PARD3B: variants seen among roughly 807,000 people sequenced by gnomAD.
PARD3B encodes partitioning defective 3 homolog B.
A neutral mutation model predicts 130.2 loss-of-function variants in PARD3B; 103 were observed. The observed-to-expected ratio is 0.79, with a 90% CI of 0.67 to 0.93. PARD3B has a LOEUF of 0.93. Ranked by LOEUF, PARD3B falls within the 40% of genes least tolerant of loss-of-function variation. PARD3B has a pLI of 0.00. For synonymous variants in PARD3B, 583 were observed against 553.2 expected (o/e 1.05, Z -0.76); for missense variants, 1,609 against 1,499.2 (o/e 1.07, Z -1.21).
chr2:205,040,845 T>C (rs1698347156), intron 3 of PARD3B, among the ~76,000 whole-genome samples: 1 of 152,092 alleles, frequency 6.6e-6, no homozygotes, highest in Non-Finnish European at 1.5e-5. Flanking sequence ...GTCCAACTGT[T>C]TTGGTAGCAC....
chr2:205,054,436 ATTTT>A lies in PARD3B; in HGVS notation c.504+6764_504+6767del, dbSNP rs769918623. Among the ~76,000 whole-genome samples, 200 of 28,378 alleles carry A rather than the reference ATTTT, an allele frequency of 7.0e-3. 4 individuals carry two copies. Among genetic ancestry groups the A allele is most frequent in the East Asian group, 0.015 (7 of 480 alleles). The allele number at this position is 28,378 out of a possible 152,430, so 18.6% of individuals were successfully genotyped here. ...TATATATATATATATATATATATATATTTTTTTTTTTTTTTTTTTTTAATTATAC... is the reference window on the plus strand; with the variant it reads ...TATATATATATATATATATATATATATTTTTTTTTTTTTTTTTAATTATAC... On this transcript the variant is annotated intron_variant, in intron 4 of 22. Coordinates refer to ENST00000406610, the MANE Select transcript of PARD3B (RefSeq NM_001302769.2).
chr2:204,734,616 A>G (rs1360437265), intron 2 of PARD3B, among the ~76,000 whole-genome samples: 1 of 152,190 alleles, frequency 6.6e-6, no homozygotes, highest in Non-Finnish European at 1.5e-5. Flanking sequence ...ATGAGTCTCA[A>G]AAGTGTTTCA....
chr2:204,873,038 TTAGG>T (rs1439523505), intron 2 of PARD3B, among the ~76,000 whole-genome samples: 2 of 152,156 alleles, frequency 1.3e-5, no homozygotes, highest in African/African-American at 4.8e-5. Context: ...AATCTAGCTA[TTAGG>T]TAAGTAAAAA....
At chr2:205,006,306 A>G (rs1695261405) in intron 3 of PARD3B, among the ~76,000 whole-genome samples, 1 of 152,040 alleles carries the variant, frequency 6.6e-6, no homozygotes, top group Admixed American at 6.6e-5. Flanking sequence ...GTAATGATTT[A>G]TTTTCCTTTG....
At chr2:204,686,386 G>C in intron 2 of PARD3B, 104 bp downstream of exon 2, 1 of 855,936 alleles carries the variant, frequency 1.2e-6, no homozygotes, top group South Asian at 1.5e-5. Flanking sequence ...ATTATTAAAA[G>C]ATACCATCTG....
chr2:204,925,474 A>G (rs1337210943), intron 2 of PARD3B, among the ~76,000 whole-genome samples: 1 of 152,084 alleles, frequency 6.6e-6, no homozygotes, highest in Non-Finnish European at 1.5e-5. Context: ...ACGAAAACTG[A>G]CTACCCTAAA....
intron 18 of PARD3B, among the ~76,000 whole-genome samples, chr2:205,335,100 A>G (rs2043263174): frequency 6.6e-6 from 1 of 152,180 alleles, no homozygotes; most frequent in Non-Finnish European, 1.5e-5. Flanking sequence ...CATCCTTTCC[A>G]AAGCACCAAC....
chr2:205,613,742 A>G (rs2055320593), intron 22 of PARD3B, among the ~76,000 whole-genome samples: 1 of 152,232 alleles, frequency 6.6e-6, no homozygotes, highest in African/African-American at 2.4e-5. Flanking sequence ...AAAAAAGTAG[A>G]GAGAATTCTA....
intron 2 of PARD3B, among the ~76,000 whole-genome samples, chr2:204,915,774 C>T (rs1390431742): frequency 6.6e-6 from 1 of 152,182 alleles, no homozygotes; most frequent in Non-Finnish European, 1.5e-5. Context: ...TCGAGGCACC[C>T]TGTTCACTAG....
intron 11 of PARD3B, among the ~76,000 whole-genome samples, chr2:205,170,268 G>A (rs2035080274): frequency 6.6e-6 from 1 of 151,988 alleles, no homozygotes; most frequent in African/African-American, 2.4e-5. Flanking sequence ...GCTTTTTTGT[G>A]CCTCACTCAA....
chr2:205,221,997 A>AT (rs1339720467), intron 15 of PARD3B, among the ~76,000 whole-genome samples: 1 of 152,088 alleles, frequency 6.6e-6, no homozygotes, highest in Non-Finnish European at 1.5e-5. Context: ...AAAATAACTA[A>AT]TGGGTACTAG....
intron 18 of PARD3B, among the ~76,000 whole-genome samples, 187 bp from the exon 19 acceptor site, chr2:205,400,826 G>T (rs1458613295): frequency 6.6e-6 from 1 of 151,970 alleles, no homozygotes; most frequent in African/African-American, 2.4e-5. Flanking sequence ...AGAGAAAAGG[G>T]GGAATTTCAT....
chr2:205,097,749 C>G (rs2125555998), intron 4 of PARD3B, among the ~76,000 whole-genome samples: 1 of 152,226 alleles, frequency 6.6e-6, no homozygotes, highest in East Asian at 1.9e-4. Context: ...CACAGTTCTT[C>G]TTAAGCAGCT....
intron 2 of PARD3B, among the ~76,000 whole-genome samples, chr2:204,910,029 G>T (rs567797036): frequency 1.3e-5 from 2 of 152,260 alleles, no homozygotes; most frequent in Admixed American, 6.5e-5. Flanking sequence ...ATGATTAGAT[G>T]ATGAGTAAAG....
At chr2:205,089,355 C>G (rs1401549530) in intron 4 of PARD3B, among the ~76,000 whole-genome samples, 9 of 151,428 alleles carry the variant, frequency 5.9e-5, no homozygotes, top group East Asian at 2.0e-4. Context: ...ATTTTTAGTA[C>G]AGACAGGGTT....
chr2:205,559,669 G>A (rs2053056321), intron 22 of PARD3B, among the ~76,000 whole-genome samples: 1 of 146,830 alleles, frequency 6.8e-6, no homozygotes, highest in African/African-American at 2.5e-5. Flanking sequence ...TGTGATCTCG[G>A]CTCACCGCAA....
chr2:205,432,437 C>T (rs558689912), intron 19 of PARD3B, among the ~76,000 whole-genome samples: 1 of 152,286 alleles, frequency 6.6e-6, no homozygotes, highest in East Asian at 1.9e-4. Flanking sequence ...GCCCTGTTTG[C>T]CCTAAGTCCC....
At position 204,664,588 on chromosome 2, in the gene PARD3B, A is replaced by G. The variant is rs1036001939; in HGVS notation, c.121-21593A>G. Among the ~76,000 whole-genome samples, 1 of 152,198 alleles carries G rather than the reference A, an allele frequency of 6.6e-6. No homozygotes were observed. Among genetic ancestry groups the G allele is most frequent in the African/African-American group, 2.4e-5 (1 of 41,450 alleles). On this transcript the variant is annotated intron_variant, in intron 1 of 22. Transcript: ENST00000406610. This position sits in a 1 kb window ranked among gnomAD's most constrained non-coding sequence, Gnocchi z 5.2. ...ATATTTTTATTTACACACACTTAAA[A>G]ATGGATCCTGGGTTTTAAGGAAATT...
At chr2:205,236,569 A>C (rs983456386) in intron 15 of PARD3B, among the ~76,000 whole-genome samples, 1 of 152,192 alleles carries the variant, frequency 6.6e-6, no homozygotes, top group Non-Finnish European at 1.5e-5. Flanking sequence ...AAATGTGAGA[A>C]AATAAATTTG....
Sources: allele counts gnomAD v4.1 joint callset (sites outside exome capture counted in the v4.1 genomes callset), GRCh38; gene constraint gnomAD v4.1.1; non-coding constraint Gnocchi (gnomAD v3.1); transcripts MANE v1.5; gene names NCBI Gene and HGNC (gene_info 2026-07-23, HGNC 2026-07-21).